Variants in MMP28 observed in about 807,000 individuals in gnomAD.
MMP28 encodes the protein matrix metallopeptidase 28.
In MMP28, 55 loss-of-function variants were observed where a neutral mutation model predicts 60.5. The observed-to-expected ratio is 0.91, with a 90% CI of 0.73 to 1.14. MMP28 has a LOEUF of 1.14. Ranked by LOEUF, MMP28 falls within the 50% of genes most tolerant of loss-of-function variation. The probability of loss-of-function intolerance (pLI) is 0.00; values close to 1 mark genes in which losing one functional copy is unlikely to be tolerated. For synonymous variants in MMP28, 318 were observed against 312.5 expected, an observed-to-expected ratio of 1.02 and a Z score of -0.18; for missense variants, 686 against 738.3, an observed-to-expected ratio of 0.93 and a Z score of 0.82.
At chr17:35,783,020 G>T (rs1354662864) in intron 1 of MMP28, among the ~76,000 whole-genome samples, 1 of 152,078 alleles carries the variant, frequency 6.6e-6, no homozygotes, top group Non-Finnish European at 1.5e-5. Context: ...TAGAGACAGG[G>T]TTTCACCGTG....
intron 4 of MMP28, among the ~76,000 whole-genome samples, chr17:35,771,741 AT>A (rs1555605809): frequency 6.6e-5 from 5 of 75,742 alleles, no homozygotes; most frequent in African/African-American, 2.0e-4. Flanking sequence ...ATATATATAT[AT>A]ATATATATAT....
chr17:35,770,320 TG>T lies in MMP28; in HGVS notation c.605-9del. The T allele has an allele frequency of 1.3e-6, 2 of 1,499,114 alleles. No individual in the cohort carries two copies. Among genetic ancestry groups the T allele is most frequent in the Non-Finnish European group, 1.8e-6 (2 of 1,132,752 alleles). 92.9% of individuals were successfully genotyped at this position (1,499,114 alleles called of 1,614,324 possible). A position where few individuals can be genotyped will look rare whatever the true frequency, so the allele number is the denominator to read the frequency against. On this transcript the variant is annotated splice_polypyrimidine_tract_variant and intron_variant, in intron 4 of 7. Transcript: ENST00000605424. ...CGTGCGCCAGGGCGCCCCCTGCAGGTGGGGCAGAAGGTCAGGGGGTGCCACG... is the reference window on the plus strand; with the variant it reads ...CGTGCGCCAGGGCGCCCCCTGCAGGTGGGCAGAAGGTCAGGGGGTGCCACG...
chr17:35,759,925 A>G (rs138211354), intron 2 of MMP28, among the ~76,000 whole-genome samples: 52 of 152,242 alleles, frequency 3.4e-4, no homozygotes, highest in African/African-American at 1.2e-3. Flanking sequence ...GCACCCATGA[A>G]ACTACAACTA....
intron 2 of MMP28, among the ~76,000 whole-genome samples, chr17:35,759,127 C>T (rs149702667): frequency 6.6e-6 from 1 of 152,342 alleles, no homozygotes; most frequent in African/African-American, 2.4e-5. Flanking sequence ...TGATTCCTAT[C>T]CAGTTCTCAA....
intron 1 of MMP28, among the ~76,000 whole-genome samples, chr17:35,790,096 T>G (rs1303963898): frequency 9.0e-6 from 1 of 111,236 alleles, no homozygotes; most frequent in African/African-American, 3.6e-5. Flanking sequence ...AGACAGAGTC[T>G]CGCTCTGTTG....
chr17:35,756,650 TA>T (rs2085741829), intron 2 of MMP28, among the ~76,000 whole-genome samples: 1 of 151,824 alleles, frequency 6.6e-6, no homozygotes, highest in African/African-American at 2.4e-5. Context: ...GTATTTTTAG[TA>T]GAGACAGGGT....
At chr17:35,765,640 C>T (rs572805182), downstream of MMP28, among the ~76,000 whole-genome samples, 31 of 152,348 alleles carry the variant, frequency 2.0e-4, 1 homozygote, top group South Asian at 5.2e-3. Context: ...AGGAAGGCCC[C>T]TTGACCTCTC....
chr17:35,765,495 C>T (rs765522217), downstream of MMP28, among the ~76,000 whole-genome samples: 2 of 152,244 alleles, frequency 1.3e-5, no homozygotes, highest in African/African-American at 2.4e-5. Flanking sequence ...CTTGGCCAGA[C>T]AGCAGGAGCT....
chr17:35,769,943 G>C (rs1555604774), intron 5 of MMP28, 124 bp downstream of exon 5: 1 of 1,293,764 alleles, frequency 7.7e-7, no homozygotes, highest in East Asian at 2.7e-5. Flanking sequence ...GGACGAATCG[G>C]CGACAGGGAG....
chr17:35,776,911 G>C (rs2086349716), intron 3 of MMP28, among the ~76,000 whole-genome samples: 1 of 152,054 alleles, frequency 6.6e-6, no homozygotes, highest in South Asian at 2.1e-4. Flanking sequence ...AAGAGAGAGA[G>C]AGAGATGCTC....
intron 1 of MMP28, among the ~76,000 whole-genome samples, chr17:35,782,195 G>C (rs2086526476): frequency 6.6e-6 from 1 of 151,896 alleles, no homozygotes; most frequent in African/African-American, 2.4e-5. Flanking sequence ...GGGACTACAG[G>C]TGCCCACCAC....
At position 35,770,122 on chromosome 17, in the gene MMP28, C is replaced by A. The variant is rs749866440; in HGVS notation, c.795G>T (p.Leu265=). 9.3e-6 allele frequency: 15 copies of A among 1,606,626 alleles called. No individual in the cohort carries two copies. Among genetic ancestry groups the A allele is most frequent in the Non-Finnish European group, 1.3e-5 (15 of 1,177,252 alleles). Residue 265 remains leucine (L), a synonymous_variant, in exon 5 of 8, where the codon CTG becomes CTT. Coordinates refer to ENST00000605424, the MANE Select transcript of MMP28 (RefSeq NM_024302.5). The part of the protein sequence containing the change: ...RALMAPYYKR[L]GRDALLSWDD... ...CCCAGCTGAGCAGCGCGTCGCGGCCCAGCCTCTTGTAGTAGGGCGCCATGA... is the reference window on the plus strand; with the variant it reads ...CCCAGCTGAGCAGCGCGTCGCGGCCAAGCCTCTTGTAGTAGGGCGCCATGA...
chr17:35,758,885 G>C (rs915294619), intron 2 of MMP28, among the ~76,000 whole-genome samples: 1 of 152,056 alleles, frequency 6.6e-6, no homozygotes, highest in Non-Finnish European at 1.5e-5. Context: ...TGGGGAGGCA[G>C]GATGAGAAGA....
chr17:35,795,442 G>T lies in MMP28; in HGVS notation c.-65C>A. 1 of 1,218,106 alleles carries T rather than the reference G, an allele frequency of 8.2e-7. No homozygotes were observed. The highest frequency in any genetic ancestry group is 3.2e-5 in the East Asian group (1 of 31,562). The allele number at this position is 1,218,106 out of a possible 1,614,324, so 75.5% of individuals were successfully genotyped here. A position where few individuals can be genotyped will look rare whatever the true frequency, so the allele number is the denominator to read the frequency against. ...CGCGCAGGGAACCAGCCGGCAGTCAGCCGCGCCCGGGACCCCGGGGATGGG... is the reference window on the plus strand; with the variant it reads ...CGCGCAGGGAACCAGCCGGCAGTCATCCGCGCCCGGGACCCCGGGGATGGG... On this transcript the variant is annotated 5_prime_UTR_variant, in exon 1 of 8. In the 5' UTR this introduces an upstream ATG that the reference lacks. Coordinates refer to ENST00000605424, the MANE Select transcript of MMP28 (RefSeq NM_024302.5).
chr17:35,770,183 GT>G lies in MMP28; in HGVS notation c.733del (p.Thr245ArgfsTer43). Reference protein sequence around the residue: ...FVVLAHEIGHTLGLTHSPAPR... With the variant: ...FVVLAHEIGHXLGLTHSPAPR... ...CGCGGGCGAGTGGGTGAGGCCAAGCGTGTGACCGATCTCGTGCGCCAGCACC... is the reference window on the plus strand; with the variant it reads ...CGCGGGCGAGTGGGTGAGGCCAAGCGGTGACCGATCTCGTGCGCCAGCACC... On this transcript the variant is annotated frameshift_variant, in exon 5 of 8. Transcript: ENST00000605424. LOFTEE classifies it high-confidence loss of function. The G allele has an allele frequency of 6.2e-7, 1 of 1,605,924 alleles. No homozygotes were observed. Among genetic ancestry groups the G allele is most frequent in the Non-Finnish European group, 8.5e-7 (1 of 1,178,338 alleles).
chr17:35,764,440 C>G (rs1555602325), downstream of MMP28: 1 of 1,548,278 alleles, frequency 6.5e-7, no homozygotes, highest in South Asian at 1.2e-5. Context: ...CGGAGCCTCC[C>G]GGAGGAGCCG....
At chr17:35,779,993 G>A (rs369322058) in intron 1 of MMP28, among the ~76,000 whole-genome samples, 1 of 152,212 alleles carries the variant, frequency 6.6e-6, no homozygotes, top group African/African-American at 2.4e-5. Flanking sequence ...GCTGGGTTGT[G>A]AATTGTCTAA....
intron 7 of MMP28, 119 bp downstream of exon 7, chr17:35,767,633 A>AT: frequency 8.2e-7 from 1 of 1,216,248 alleles, no homozygotes; most frequent in Non-Finnish European, 1.1e-6. Context: ...TCAGATTGGA[A>AT]TGGAGACTCC....
At chr17:35,782,819 AT>A (rs61495785) in intron 1 of MMP28, among the ~76,000 whole-genome samples, 1,510 of 148,882 alleles carry the variant, frequency 0.01, 24 homozygotes, top group African/African-American at 0.034. Context: ...GGGACAAATT[AT>A]TTTTTTTTTT....
Sources: allele counts gnomAD v4.1 joint callset (sites outside exome capture counted in the v4.1 genomes callset), GRCh38; gene constraint gnomAD v4.1.1; transcripts MANE v1.5; gene names NCBI Gene and HGNC (gene_info 2026-07-23, HGNC 2026-07-21).